Variants in NIBAN3 observed in about 807,000 individuals in gnomAD.
NIBAN3 encodes the protein protein Niban 3.
Under a neutral mutation model 76.4 loss-of-function variants are expected in NIBAN3, and 66 were observed. The ratio of observed to expected loss-of-function variants is 0.86; its 90% CI spans 0.71 to 1.06. The LOEUF (loss-of-function observed/expected upper bound fraction) is 1.06, where lower values mean the gene tolerates loss of function less well. NIBAN3 is among the 50% of genes least tolerant of loss of function. NIBAN3 has a pLI of 0.00. For synonymous variants in NIBAN3, 360 were observed against 355.2 expected, an observed-to-expected ratio of 1.01 and a Z score of -0.15; for missense variants, 808 against 810.7, an observed-to-expected ratio of 1.00 and a Z score of 0.04.
chr19:17,526,673 T>TG (rs2075612524), upstream of NIBAN3, among the ~76,000 whole-genome samples: 2 of 148,612 alleles, frequency 1.3e-5, no homozygotes, highest in African/African-American at 4.9e-5. Context: ...GAAAAAGAAA[T>TG]GGAGTCCAGG....
chr19:17,552,760 A>T lies in NIBAN3; in HGVS notation c.*862A>T, dbSNP rs2076175587. 1 of 151,890 alleles carries T rather than the reference A, an allele frequency of 6.6e-6. No homozygotes were observed. Among genetic ancestry groups the T allele is most frequent in the African/African-American group, 2.4e-5 (1 of 41,314 alleles). 9.4% of individuals were successfully genotyped at this position (151,890 alleles called of 1,614,324 possible). A position where few individuals can be genotyped will look rare whatever the true frequency, so the allele number is the denominator to read the frequency against. On this transcript the variant is annotated 3_prime_UTR_variant, in exon 15 of 15. Transcript: ENST00000599164. ...AGCCTGGCGAACATAGTGAGACCTC[A>T]TCTCTACAAAAAATACAAAATTAGC...
chr19:17,539,882 AGGGGC>A, intron 8 of NIBAN3, 117 bp downstream of exon 8: 1 of 255,126 alleles, frequency 3.9e-6, no homozygotes, highest in Non-Finnish European at 5.6e-6. Context: ...GTGGTCAGAG[AGGGGC>A]GGGGCCAAGC....
chr19:17,551,975 A>G lies in NIBAN3; in HGVS notation c.*77A>G, dbSNP rs1347982488. 5.9e-6 allele frequency: 4 copies of G among 673,930 alleles called. No homozygotes were observed. The Admixed American group carries it at 8.1e-5, about 14-fold the overall frequency. 41.7% of individuals were successfully genotyped at this position (673,930 alleles called of 1,614,324 possible). A position where few individuals can be genotyped will look rare whatever the true frequency, so the allele number is the denominator to read the frequency against. ...ATTTCTGGGCCAAAACGGATGTGCC[A>G]TCTTTAGGCTTTTGTAACCCCTGCA... On this transcript the variant is annotated 3_prime_UTR_variant, in exon 15 of 15. Transcript: ENST00000599164.
chr19:17,553,390 T>G lies in NIBAN3; in HGVS notation c.*1492T>G. 6.2e-7 allele frequency: 1 copy of G among 1,614,202 alleles called. No homozygotes were observed. Among genetic ancestry groups the G allele is most frequent in the East Asian group, 2.2e-5 (1 of 44,890 alleles). On this transcript the variant is annotated 3_prime_UTR_variant, in exon 15 of 15. Transcript: ENST00000599164. ...CGACTTCCTCTGCTTGCCAGCAAAG[T>G]CATCTGCTAACTGGATATTGGCAGC... is the stretch of plus-strand genomic sequence containing the variant.
At chr19:17,550,843 C>CAT (rs34977620) in intron 14 of NIBAN3, among the ~76,000 whole-genome samples, 1 of 91,550 alleles carries the variant, frequency 1.1e-5, no homozygotes. Flanking sequence ...CTTGTACATA[C>CAT]TTTTTTTTTT....
At chr19:17,544,555 G>A (rs897239717) in intron 12 of NIBAN3, among the ~76,000 whole-genome samples, 2 of 152,230 alleles carry the variant, frequency 1.3e-5, no homozygotes, top group South Asian at 2.1e-4. Context: ...ATGAAGGCAT[G>A]GGCCATGTCC....
At chr19:17,543,145 C>T (rs769263563) in intron 10 of NIBAN3, among the ~76,000 whole-genome samples, 172 bp from the exon 11 acceptor site, 2 of 152,146 alleles carry the variant, frequency 1.3e-5, no homozygotes, top group Non-Finnish European at 2.9e-5. Context: ...ACTAGACAAT[C>T]CCCAGGTCCT....
Position 17,532,402 on chromosome 19 carries a change from A to G in NIBAN3, c.312+14A>G, listed in dbSNP as rs1189835801. Reference sequence around the variant, plus strand: ...AGCCACAAGGAGGTGCGTGATTGGCACGTGGCCTTTCTACTTCTGGGTCCC... The same window carrying G: ...AGCCACAAGGAGGTGCGTGATTGGCGCGTGGCCTTTCTACTTCTGGGTCCC... On this transcript the variant is annotated intron_variant, in intron 3 of 14. Transcript: ENST00000599164. The G allele has an allele frequency of 3.1e-6, 5 of 1,614,162 alleles. No homozygotes were observed. Among genetic ancestry groups the G allele is most frequent in the Non-Finnish European group, 4.2e-6 (5 of 1,180,038 alleles).
intron 4 of NIBAN3, among the ~76,000 whole-genome samples, chr19:17,534,062 G>A (rs2075780011): frequency 6.6e-6 from 1 of 152,158 alleles, no homozygotes; most frequent in South Asian, 2.1e-4. Context: ...TCTGGGATGG[G>A]TGCACTGTCT....
intron 14 of NIBAN3, among the ~76,000 whole-genome samples, chr19:17,550,868 A>G (rs1206189295): frequency 9.8e-5 from 2 of 20,400 alleles, no homozygotes; most frequent in Non-Finnish European, 3.8e-4. Flanking sequence ...TTTTTTTTTC[A>G]AATGCAGGTT....
intron 13 of NIBAN3, 70 bp from the exon 14 acceptor site, chr19:17,549,374 G>T: frequency 9.3e-7 from 1 of 1,079,152 alleles, no homozygotes. Context: ...TAGTCTCTCT[G>T]GGAAAATGCA....
At chr19:17,531,669 G>A (rs1199388811) in intron 2 of NIBAN3, among the ~76,000 whole-genome samples, 1 of 152,156 alleles carries the variant, frequency 6.6e-6, no homozygotes, top group Non-Finnish European at 1.5e-5. Context: ...GAGTAGCTGG[G>A]ACCACAGGCG....
rs575331822 is a variant in NIBAN3 at position 17,532,160 on chromosome 19, G to A, written c.187-103G>A. The A allele has an allele frequency of 1.1e-5, 16 of 1,396,484 alleles. No individual in the cohort carries two copies. The African/African-American group carries it at 2.3e-4, about 20-fold the overall frequency. 86.5% of individuals were successfully genotyped at this position (1,396,484 alleles called of 1,614,324 possible). On this transcript the variant is annotated intron_variant, in intron 2 of 14. Coordinates refer to ENST00000599164, the MANE Select transcript of NIBAN3 (RefSeq NM_001321827.2). Reference sequence around the variant, plus strand: ...CTCTCTGTCCAGCCTGGGGCATCACGGGACCTTAGCGTCACCCCAGGATAC... The same window carrying A: ...CTCTCTGTCCAGCCTGGGGCATCACAGGACCTTAGCGTCACCCCAGGATAC...
At chr19:17,549,154 C>T (rs2076112216) in intron 13 of NIBAN3, among the ~76,000 whole-genome samples, 1 of 152,136 alleles carries the variant, frequency 6.6e-6, no homozygotes, top group African/African-American at 2.4e-5. Flanking sequence ...CAATAAGTTT[C>T]TCTTCCTAAA....
intron 1 of NIBAN3, among the ~76,000 whole-genome samples, chr19:17,527,737 T>C (rs1439727973): frequency 6.6e-6 from 1 of 151,884 alleles, no homozygotes. Context: ...TGTTTTTTTT[T>C]TTAATAGAGA....
intron 12 of NIBAN3, chr19:17,546,108 C>T (rs1599753149): frequency 4.3e-6 from 1 of 230,434 alleles, no homozygotes. Flanking sequence ...GTCTTCTGGT[C>T]ATACCTCACT....
At position 17,542,210 on chromosome 19, in the gene NIBAN3, G is replaced by A. The variant is rs1350361878; in HGVS notation, c.1245G>A (p.Arg415=). 1.9e-6 allele frequency: 3 copies of A among 1,614,120 alleles called. No homozygotes were observed. In the Admixed American group the frequency reaches 5.0e-5, roughly 27 times the overall value. The change falls in exon 10 of 15, where the codon CGG becomes CGA. Residue 415 remains arginine, a synonymous_variant. Transcript: ENST00000599164. The surrounding 1 kb of genome is among the most constrained non-coding windows in gnomAD (Gnocchi z 4.8). The part of the protein sequence containing the change: ...QTCYREAERS[R]GRLGQLAAPF... ...GCTACCGTGAGGCCGAGCGGAGCCG[G>A]GGGCGCTTGGGGCAGCTGGCAGCAC...
upstream of NIBAN3, among the ~76,000 whole-genome samples, chr19:17,524,296 T>G (rs935416565): frequency 6.6e-6 from 1 of 151,074 alleles, no homozygotes; most frequent in Admixed American, 6.6e-5. Flanking sequence ...TTCTTTTTTC[T>G]TTTTTTTGAG....
Position 17,532,397 on chromosome 19 carries a change from T to C in NIBAN3, c.312+9T>C. The C allele has an allele frequency of 6.2e-7, 1 of 1,614,188 alleles. No individual in the cohort carries two copies. The highest frequency in any genetic ancestry group is 8.5e-7 in the Non-Finnish European group (1 of 1,180,040). On this transcript the variant is annotated intron_variant, in intron 3 of 14. Transcript: ENST00000599164. Reference sequence around the variant, plus strand: ...GGTTCAGCCACAAGGAGGTGCGTGATTGGCACGTGGCCTTTCTACTTCTGG... The same window carrying C: ...GGTTCAGCCACAAGGAGGTGCGTGACTGGCACGTGGCCTTTCTACTTCTGG...
Sources: allele counts gnomAD v4.1 joint callset (sites outside exome capture counted in the v4.1 genomes callset), GRCh38; gene constraint gnomAD v4.1.1; non-coding constraint Gnocchi (gnomAD v3.1); transcripts MANE v1.5; gene names NCBI Gene and HGNC (gene_info 2026-07-23, HGNC 2026-07-21).